The following CSMD1 variants were observed in gnomAD, a reference collection of about 807,000 sequenced individuals.
The protein encoded by CSMD1 is CUB and Sushi multiple domains 1.
A neutral mutation model predicts 417.5 loss-of-function variants in CSMD1; 213 were observed. The ratio of observed to expected loss-of-function variants is 0.51; its 90% CI spans 0.46 to 0.57. The LOEUF (loss-of-function observed/expected upper bound fraction) is 0.57, where lower values mean the gene tolerates loss of function less well. Ranked by LOEUF, CSMD1 falls within the 20% of genes least tolerant of loss-of-function variation. CSMD1 has a pLI of 0.00. For missense variants in CSMD1, 6,923 were observed against 4,529.7 expected (o/e 1.53, Z -15.17); for synonymous variants, 2,862 against 1,736.8 (o/e 1.65, Z -16.11).
chr8:3,833,938 G>C (rs929086189), intron 5 of CSMD1, among the ~76,000 whole-genome samples: 1 of 152,076 alleles, frequency 6.6e-6, no homozygotes, highest in African/African-American at 2.4e-5. Context: ...TTATTGGTTG[G>C]TTGTTGCTGT....
intron 3 of CSMD1, among the ~76,000 whole-genome samples, chr8:4,376,919 A>G (rs532477172): frequency 1.3e-5 from 2 of 152,282 alleles, no homozygotes; most frequent in East Asian, 3.9e-4. Context: ...ACTGTACTGC[A>G]ATTTTATGGA....
rs1056370368 is a variant in CSMD1, at chr8:3,916,367, T to A, written c.818+81536A>T. The stretch of plus-strand genomic sequence containing the variant: ...ATTGTCAGCGAATATCAAGCCTCTG[T>A]ACATAGGAGGTAATTCCATGATGAA... On this transcript the variant is annotated intron_variant, in intron 5 of 69. Coordinates refer to ENST00000635120, the MANE Select transcript of CSMD1 (RefSeq NM_033225.6). Among the ~76,000 whole-genome samples, 9 of 152,156 alleles carry A rather than the reference T, an allele frequency of 5.9e-5. No individual in the cohort carries two copies. In the South Asian group the frequency reaches 1.4e-3, roughly 25 times the overall value.
At chr8:4,010,656 C>T (rs1269441497) in intron 4 of CSMD1, among the ~76,000 whole-genome samples, 1 of 152,116 alleles carries the variant, frequency 6.6e-6, no homozygotes, top group Non-Finnish European at 1.5e-5. Flanking sequence ...AATTTTTTGA[C>T]TCATGGGACC....
intron 49 of CSMD1, among the ~76,000 whole-genome samples, chr8:3,084,885 T>C (rs1221147302): frequency 3.3e-5 from 5 of 151,658 alleles, no homozygotes; most frequent in Non-Finnish European, 7.4e-5. Context: ...AAAATCCTAC[T>C]TTTTGCTACA....
chr8:3,906,431 T>G (rs981463341), intron 5 of CSMD1, among the ~76,000 whole-genome samples: 1 of 152,302 alleles, frequency 6.6e-6, no homozygotes, highest in South Asian at 2.1e-4. Context: ...TATAGTAATG[T>G]TTAATGCCTT....
At chr8:4,852,617 T>G (rs1705343371) in intron 1 of CSMD1, among the ~76,000 whole-genome samples, 1 of 152,086 alleles carries the variant, frequency 6.6e-6, no homozygotes, top group Non-Finnish European at 1.5e-5. Context: ...TAAAGATACT[T>G]GAAAATATGG....
intron 10 of CSMD1, among the ~76,000 whole-genome samples, chr8:3,524,543 AC>A (rs1453514263): frequency 4.6e-5 from 7 of 151,740 alleles, no homozygotes; most frequent in African/African-American, 1.7e-4. Flanking sequence ...ACACACAAGC[AC>A]ACACATGCAC....
chr8:3,110,942 A>G (rs912170371), intron 42 of CSMD1, among the ~76,000 whole-genome samples: 5 of 152,210 alleles, frequency 3.3e-5, no homozygotes, highest in Non-Finnish European at 7.3e-5. Context: ...ATTTTTGTTA[A>G]GAAATTTATA....
chr8:3,463,020 T>A (rs1167688878), intron 12 of CSMD1, among the ~76,000 whole-genome samples: 2 of 152,196 alleles, frequency 1.3e-5, no homozygotes, highest in South Asian at 2.1e-4. Flanking sequence ...GAAGGCGCCA[T>A]CTATGAACCA....
At chr8:3,781,539 C>T (rs1463880451) in intron 5 of CSMD1, among the ~76,000 whole-genome samples, 2 of 152,168 alleles carry the variant, frequency 1.3e-5, no homozygotes, top group African/African-American at 2.4e-5. Context: ...TATGGTCTAT[C>T]TGCTTACACA....
chr8:3,901,090 G>C (rs1312341047), intron 5 of CSMD1, among the ~76,000 whole-genome samples: 1 of 152,274 alleles, frequency 6.6e-6, no homozygotes, highest in Non-Finnish European at 1.5e-5. Flanking sequence ...ATAACCTGGA[G>C]TCCAAGGTTA....
intron 17 of CSMD1, among the ~76,000 whole-genome samples, chr8:3,395,730 C>G (rs1286086638): frequency 6.6e-6 from 1 of 152,094 alleles, no homozygotes; most frequent in Non-Finnish European, 1.5e-5. Context: ...CTCTTGTTAC[C>G]TGACTTTCAC....
chr8:4,206,187 G>C (rs535108130), intron 3 of CSMD1, among the ~76,000 whole-genome samples: 2 of 151,916 alleles, frequency 1.3e-5, no homozygotes, highest in African/African-American at 4.9e-5. Context: ...GCTGAAAAAT[G>C]AGGATTTCTT....
chr8:4,732,188 G>A (rs774410484), intron 1 of CSMD1, among the ~76,000 whole-genome samples: 5 of 152,102 alleles, frequency 3.3e-5, no homozygotes, highest in Non-Finnish European at 2.9e-5. Flanking sequence ...GTAGCAGACC[G>A]CAGACAAGAA....
At chr8:4,232,875 G>C (rs1307001221) in intron 3 of CSMD1, among the ~76,000 whole-genome samples, 2 of 152,060 alleles carry the variant, frequency 1.3e-5, no homozygotes, top group Non-Finnish European at 2.9e-5. Context: ...CAACAATCTT[G>C]AATAAGTGTA....
At chr8:3,779,188 T>C (rs1036902207) in intron 5 of CSMD1, among the ~76,000 whole-genome samples, 3 of 151,472 alleles carry the variant, frequency 2.0e-5, no homozygotes, top group Non-Finnish European at 4.4e-5. Context: ...TGTGTGTATG[T>C]GCAGTATTTG....
intron 53 of CSMD1, among the ~76,000 whole-genome samples, chr8:2,999,325 A>G (rs1031694451): frequency 1.3e-5 from 2 of 151,716 alleles, no homozygotes; most frequent in Non-Finnish European, 2.9e-5. Context: ...CAGGCTAATT[A>G]TTGTATTTTT....
At chr8:4,108,965 A>C (rs1371284113) in intron 3 of CSMD1, among the ~76,000 whole-genome samples, 3 of 152,324 alleles carry the variant, frequency 2.0e-5, no homozygotes, top group East Asian at 1.9e-4. Context: ...TATAATTTAG[A>C]AACTACAGTT....
intron 5 of CSMD1, among the ~76,000 whole-genome samples, chr8:3,804,768 A>G (rs1170290233): frequency 2.6e-5 from 4 of 152,244 alleles, no homozygotes; most frequent in African/African-American, 4.8e-5. Context: ...ATTTTACAGT[A>G]GCTGAGAAAG....
Sources: allele counts gnomAD v4.1 joint callset (sites outside exome capture counted in the v4.1 genomes callset), GRCh38; gene constraint gnomAD v4.1.1; transcripts MANE v1.5; gene names NCBI Gene and HGNC (gene_info 2026-07-23, HGNC 2026-07-21).